Variants in CEP57L1 observed in about 807,000 individuals in gnomAD.
The protein encoded by CEP57L1 is centrosomal protein CEP57L1.
Under a neutral mutation model 61.0 loss-of-function variants are expected in CEP57L1, and 37 were observed. That is an observed-to-expected ratio of 0.61 (90% CI 0.47 to 0.80). The LOEUF (loss-of-function observed/expected upper bound fraction) is 0.80. Ranked by LOEUF, CEP57L1 falls within the 30% of genes least tolerant of loss-of-function variation. The pLI is 0.00. For missense variants in CEP57L1, 422 were observed against 524.7 expected (o/e 0.80, Z 1.91); for synonymous variants, 137 against 162.3 (o/e 0.84, Z 1.19).
chr6:109,171,301 C>T lies in CEP57L1; in HGVS notation c.*8331C>T, dbSNP rs1012556109. On this transcript the variant is annotated 3_prime_UTR_variant, in exon 11 of 11. Transcript: ENST00000517392. ...TTGCCCAAGCTGGAGTGCAATGGCG[C>T]GATCTCAGCTCACTGCAACCTCCGC... is the stretch of plus-strand genomic sequence containing the variant. Among the ~76,000 whole-genome samples the T allele has an allele frequency of 6.0e-5, 9 of 150,510 alleles. No homozygotes were observed. The highest frequency in any genetic ancestry group is 1.9e-4 in the East Asian group (1 of 5,152).
At chr6:109,135,501 T>C (rs549028554) in intron 1 of CEP57L1, among the ~76,000 whole-genome samples, 52 of 152,292 alleles carry the variant, frequency 3.4e-4, no homozygotes, top group Non-Finnish European at 7.1e-4. Flanking sequence ...GACATAGGCA[T>C]GGGCAAGGAC....
intron 1 of CEP57L1, among the ~76,000 whole-genome samples, chr6:109,120,912 GCACACACACACACACACACACACA>G (rs71747421): frequency 0.17 from 22,207 of 133,516 alleles, 2,038 homozygotes; most frequent in Non-Finnish European, 0.23. Flanking sequence ...TTAGACACAC[GCACACACACACACACACACACACA>G]CACACACACA....
intron 1 of CEP57L1, among the ~76,000 whole-genome samples, chr6:109,129,644 C>T (rs1773961534): frequency 6.6e-6 from 1 of 152,094 alleles, no homozygotes; most frequent in Non-Finnish European, 1.5e-5. Flanking sequence ...ATTCGAGGAT[C>T]CTATTGGGTA....
At chr6:109,115,942 A>G (rs1772219482) in intron 1 of CEP57L1, among the ~76,000 whole-genome samples, 1 of 152,196 alleles carries the variant, frequency 6.6e-6, no homozygotes, top group African/African-American at 2.4e-5. Flanking sequence ...TGAAGAATAT[A>G]CTATATAAGT....
At chr6:109,157,956 C>A (rs1562143736) in intron 7 of CEP57L1, 2 of 152,026 alleles carry the variant, frequency 1.3e-5, no homozygotes, top group Non-Finnish European at 2.9e-5. Flanking sequence ...TCATGCAATC[C>A]CTCTATAGCT....
Position 109,168,094 on chromosome 6 carries a change from G to A in CEP57L1, c.*5124G>A, listed in dbSNP as rs1317175654. 6.6e-6 allele frequency among the ~76,000 whole-genome samples: 1 copy of A among 152,216 alleles called. No homozygotes were observed. Among genetic ancestry groups the A allele is most frequent in the East Asian group, 1.9e-4 (1 of 5,194 alleles). On this transcript the variant is annotated 3_prime_UTR_variant, in exon 11 of 11. Transcript: ENST00000517392. ...TCTCATCTATCGATAAAGTGCTTAA[G>A]AAGTTGGCCTGTTTGTAATTTCTTC...
intron 1 of CEP57L1, among the ~76,000 whole-genome samples, chr6:109,102,313 G>A (rs2114563530): frequency 6.6e-6 from 1 of 152,252 alleles, no homozygotes; most frequent in South Asian, 2.1e-4. Flanking sequence ...TCCTGCCTCA[G>A]CCTCCGAAGT....
intron 1 of CEP57L1, among the ~76,000 whole-genome samples, chr6:109,143,445 A>T (rs113559115): frequency 6.6e-6 from 1 of 152,166 alleles, no homozygotes; most frequent in Non-Finnish European, 1.5e-5. Context: ...TCCCATTACA[A>T]TGAGAATCTC....
chr6:109,150,092 C>T (rs757620021), intron 3 of CEP57L1, 26 bp from the exon 4 acceptor site: 4 of 1,435,032 alleles, frequency 2.8e-6, no homozygotes, highest in Admixed American at 3.5e-5. Flanking sequence ...TCCTCTTTTC[C>T]TAATTGAATA....
intron 1 of CEP57L1, among the ~76,000 whole-genome samples, chr6:109,136,403 CG>C (rs1380917442): frequency 1.3e-5 from 2 of 152,094 alleles, no homozygotes; most frequent in South Asian, 4.2e-4. Context: ...CATCACACAC[CG>C]GGGCCTGTTG....
chr6:109,113,487 C>G (rs1046286036), intron 1 of CEP57L1, among the ~76,000 whole-genome samples: 1 of 152,044 alleles, frequency 6.6e-6, no homozygotes, highest in African/African-American at 2.4e-5. Context: ...CAGGATACCC[C>G]CTCATATCTT....
intron 9 of CEP57L1, 130 bp downstream of exon 9, chr6:109,159,592 A>G: frequency 1.3e-6 from 1 of 742,814 alleles, no homozygotes. Context: ...TACAAGCATG[A>G]GCCACCGTGC....
rs144898359 is a variant in CEP57L1 at position 109,163,233 on chromosome 6, T to G, written c.*263T>G. The G allele has an allele frequency of 3.4e-6, 1 of 295,602 alleles. No individual in the cohort carries two copies. The highest frequency in any genetic ancestry group is 2.2e-5 in the African/African-American group (1 of 45,190). The allele number at this position is 295,602 out of a possible 1,614,324, so 18.3% of individuals were successfully genotyped here. A position where few individuals can be genotyped will look rare whatever the true frequency, so the allele number is the denominator to read the frequency against. The stretch of plus-strand genomic sequence containing the variant: ...AACATTGTTGGCTTTGCAGATATCT[T>G]AAGCTAAATTTAAGAAATTGTACTA... On this transcript the variant is annotated 3_prime_UTR_variant, in exon 11 of 11. Coordinates refer to ENST00000517392, the MANE Select transcript of CEP57L1 (RefSeq NM_001271852.3).
chr6:109,106,417 G>A (rs368148955), intron 1 of CEP57L1, among the ~76,000 whole-genome samples: 1 of 152,064 alleles, frequency 6.6e-6, no homozygotes, highest in Non-Finnish European at 1.5e-5. Flanking sequence ...ACTACTGATA[G>A]TGGGTATCCT....
intron 1 of CEP57L1, among the ~76,000 whole-genome samples, chr6:109,143,218 A>T (rs1419921700): frequency 2.6e-5 from 4 of 152,114 alleles, no homozygotes; most frequent in African/African-American, 9.7e-5. Flanking sequence ...GTCAGAGATA[A>T]ATTAGAATGA....
chr6:109,140,178 C>T (rs1331379895), intron 1 of CEP57L1, among the ~76,000 whole-genome samples: 3 of 151,894 alleles, frequency 2.0e-5, no homozygotes, highest in South Asian at 2.1e-4. Context: ...CTGCAACCTC[C>T]GCCTTCCGGG....
In CEP57L1 at chr6:109,169,226, CAA is replaced by C. The variant is rs202070350; in HGVS notation, c.*6276_*6277del. On this transcript the variant is annotated 3_prime_UTR_variant, in exon 11 of 11. Transcript: ENST00000517392. ...GAGCAGCAGAGTGAGGCTCCATCAG[CAA>C]AAAAAAAAAAAAAAAAAAAGATCAG... is the stretch of plus-strand genomic sequence containing the variant. 5.7e-3 allele frequency among the ~76,000 whole-genome samples: 384 copies of C among 67,496 alleles called. No homozygotes were observed. The highest frequency in any genetic ancestry group is 0.019 in the African/African-American group (328 of 17,408). The allele number at this position is 67,496 out of a possible 152,430, so 44.3% of individuals were successfully genotyped here. A position where few individuals can be genotyped will look rare whatever the true frequency, so the allele number is the denominator to read the frequency against.
At chr6:109,125,154 TCATTGTG>T (rs1773400503) in intron 1 of CEP57L1, 1 of 152,142 alleles carries the variant, frequency 6.6e-6, no homozygotes, top group African/African-American at 2.4e-5. Flanking sequence ...TCCCTAAGTA[TCATTGTG>T]CATAATTAAA....
chr6:109,095,747 T>C (rs2114504665), intron 1 of CEP57L1, among the ~76,000 whole-genome samples, 172 bp downstream of exon 1: 1 of 152,018 alleles, frequency 6.6e-6, no homozygotes, highest in East Asian at 1.9e-4. Flanking sequence ...CGGGGTGTGG[T>C]GGGTGAGGCA....
Sources: allele counts gnomAD v4.1 joint callset (sites outside exome capture counted in the v4.1 genomes callset), GRCh38; gene constraint gnomAD v4.1.1; transcripts MANE v1.5; gene names NCBI Gene and HGNC (gene_info 2026-07-23, HGNC 2026-07-21).